The following PLXNA4 variants were observed in gnomAD, a reference collection of about 807,000 sequenced individuals.
PLXNA4 encodes the protein plexin A4, also known as plexin-A4.
PLXNA4 carries 44 observed loss-of-function variants against 191.8 expected under a neutral mutation model. The observed-to-expected ratio is 0.23, with a 90% CI of 0.18 to 0.29. The LOEUF (loss-of-function observed/expected upper bound fraction) is 0.29, where lower values mean the gene tolerates loss of function less well. Ranked by LOEUF, PLXNA4 falls within the 10% of genes least tolerant of loss-of-function variation. PLXNA4 has a pLI of 1.00. For synonymous variants in PLXNA4, 1,082 were observed against 1,009.5 expected (o/e 1.07, Z -1.36); for missense variants, 1,800 against 2,488.8 (o/e 0.72, Z 5.89).
At chr7:132,580,820 A>T (rs1281700435), upstream of PLXNA4, among the ~76,000 whole-genome samples, 3 of 152,214 alleles carry the variant, frequency 2.0e-5, no homozygotes, top group Admixed American at 2.0e-4. Flanking sequence ...AGCTGCCCCC[A>T]TGGCTGGGTC....
At chr7:132,432,475 T>C (rs185420423) in intron 3 of PLXNA4, among the ~76,000 whole-genome samples, 14 of 152,232 alleles carry the variant, frequency 9.2e-5, no homozygotes, top group Admixed American at 9.2e-4. Context: ...CCAGATATAA[T>C]CATCATAATC....
At chr7:132,556,683 A>G (rs1443983571) in intron 1 of PLXNA4, among the ~76,000 whole-genome samples, 1 of 152,230 alleles carries the variant, frequency 6.6e-6, no homozygotes, top group Non-Finnish European at 1.5e-5. Flanking sequence ...GTCAAACCCA[A>G]AAGGGAAGCT....
chr7:132,153,616 G>GAGGCATAGATA (rs1795708219), intron 25 of PLXNA4, among the ~76,000 whole-genome samples: 1 of 152,192 alleles, frequency 6.6e-6, no homozygotes, highest in East Asian at 1.9e-4. Context: ...AATTGGCAGT[G>GAGGCATAGATA]GGAAGCTGAG....
At chr7:132,563,984 TC>T (rs1801561822) in intron 1 of PLXNA4, among the ~76,000 whole-genome samples, 1 of 36,956 alleles carries the variant, frequency 2.7e-5, no homozygotes, top group Non-Finnish European at 9.0e-5. Flanking sequence ...CTCCTCCTTC[TC>T]CTCCTCCTCC....
At chr7:132,198,215 A>C (rs1167590391) in intron 13 of PLXNA4, among the ~76,000 whole-genome samples, 2 of 152,156 alleles carry the variant, frequency 1.3e-5, no homozygotes, top group Non-Finnish European at 2.9e-5. Context: ...TCTCCCCTCC[A>C]TGCGGCCTTA....
chr7:132,586,982 A>G (rs575874876), intron 2 of PLXNA4, among the ~76,000 whole-genome samples: 7 of 152,324 alleles, frequency 4.6e-5, no homozygotes, highest in Admixed American at 2.6e-4. Flanking sequence ...ATATGAATCA[A>G]TAGTGAAATA....
intron 1 of PLXNA4, among the ~76,000 whole-genome samples, chr7:132,548,064 G>A (rs908776912): frequency 7.2e-5 from 11 of 152,154 alleles, no homozygotes; most frequent in Admixed American, 2.0e-4. Context: ...TGAATTGGTG[G>A]CTTCACTCCA....
At chr7:132,160,672 G>A (rs895893555) in intron 24 of PLXNA4, among the ~76,000 whole-genome samples, 9 of 152,042 alleles carry the variant, frequency 5.9e-5, no homozygotes, top group East Asian at 5.8e-4. Flanking sequence ...ACTCTCCCTC[G>A]GGCCCTGCTG....
At chr7:132,131,653 G>A (rs1412506090) in intron 31 of PLXNA4, among the ~76,000 whole-genome samples, 1 of 152,248 alleles carries the variant, frequency 6.6e-6, no homozygotes, top group Non-Finnish European at 1.5e-5. Context: ...TCATAGATGG[G>A]TTATTTAAAC....
In PLXNA4 at chr7:132,482,714, A is replaced by G. The variant is rs1357140199; in HGVS notation, c.1371+6578T>C. On this transcript the variant is annotated intron_variant, in intron 3 of 31. Coordinates refer to ENST00000321063, the MANE Select transcript of PLXNA4 (RefSeq NM_020911.2). ...GAGAAACTTTTTTTTTTTTTTTGAG[A>G]TGGAGTCTCACTCTATTGCCCAGGC... 2.2e-5 allele frequency among the ~76,000 whole-genome samples: 3 copies of G among 134,946 alleles called. No individual in the cohort carries two copies. The Admixed American group carries it at 2.3e-4, about 10-fold the overall frequency. 88.5% of individuals were successfully genotyped at this position (134,946 alleles called of 152,430 possible). A position where few individuals can be genotyped will look rare whatever the true frequency, so the allele number is the denominator to read the frequency against.
At chr7:132,161,646 T>C (rs1377488673) in intron 24 of PLXNA4, among the ~76,000 whole-genome samples, 38 of 151,872 alleles carry the variant, frequency 2.5e-4, no homozygotes, top group African/African-American at 8.9e-4. Flanking sequence ...CTAGCAGGCT[T>C]CCAGGTGCGC....
chr7:132,591,907 C>T (rs956432629), intron 2 of PLXNA4, among the ~76,000 whole-genome samples: 5 of 152,174 alleles, frequency 3.3e-5, no homozygotes, highest in Non-Finnish European at 7.3e-5. Context: ...AAGCAGTTCC[C>T]GGGAGCTATT....
chr7:132,474,496 C>A (rs1797051371), intron 3 of PLXNA4, among the ~76,000 whole-genome samples: 1 of 152,044 alleles, frequency 6.6e-6, no homozygotes, highest in Non-Finnish European at 1.5e-5. Flanking sequence ...AGGTTATTCA[C>A]CCCAATTACA....
chr7:132,284,271 C>T (rs1042055135), intron 4 of PLXNA4, among the ~76,000 whole-genome samples: 2 of 152,194 alleles, frequency 1.3e-5, no homozygotes, highest in Non-Finnish European at 2.9e-5. Flanking sequence ...AAAAGTCCTG[C>T]AGAATTTTTG....
chr7:132,522,111 C>T (rs1167133806), intron 1 of PLXNA4, among the ~76,000 whole-genome samples: 1 of 152,156 alleles, frequency 6.6e-6, no homozygotes, highest in Non-Finnish European at 1.5e-5. Context: ...TTTCAGTAGA[C>T]TCAGCAGCTC....
At chr7:132,285,168 A>G (rs1186554374) in intron 4 of PLXNA4, among the ~76,000 whole-genome samples, 1 of 152,236 alleles carries the variant, frequency 6.6e-6, no homozygotes, top group African/African-American at 2.4e-5. Flanking sequence ...TTTATTCATT[A>G]TAACCACCCA....
chr7:132,302,116 T>C (rs544306643), intron 3 of PLXNA4, among the ~76,000 whole-genome samples: 1 of 152,268 alleles, frequency 6.6e-6, no homozygotes, highest in East Asian at 1.9e-4. Context: ...AGTTTGGCCA[T>C]GGAGAGAGAG....
chr7:132,240,252 C>T (rs960295773), intron 5 of PLXNA4, among the ~76,000 whole-genome samples: 7 of 152,200 alleles, frequency 4.6e-5, no homozygotes, highest in East Asian at 1.9e-4. Context: ...TCCAACCATT[C>T]GTTGGCTTCT....
At chr7:132,190,616 C>T (rs558919073) in intron 14 of PLXNA4, among the ~76,000 whole-genome samples, 12 of 152,272 alleles carry the variant, frequency 7.9e-5, no homozygotes, top group African/African-American at 2.9e-4. Flanking sequence ...GTGGGGATCC[C>T]AAAGAAAAGA....
Sources: gnomAD v4.1 joint callset for allele counts (sites outside exome capture counted in the v4.1 genomes callset) on GRCh38, gnomAD v4.1.1 for gene constraint, MANE v1.5 for transcripts, NCBI Gene and HGNC (gene_info 2026-07-23, HGNC 2026-07-21) for gene names.